The following ATXN2 variants were observed in gnomAD, a reference collection of about 807,000 sequenced individuals.
ATXN2 encodes the protein ataxin 2, also known as ataxin-2.
Under a neutral mutation model 138.6 loss-of-function variants are expected in ATXN2, and 37 were observed. The observed-to-expected ratio is 0.27, with a 90% confidence interval of 0.21 to 0.35. The LOEUF (loss-of-function observed/expected upper bound fraction) is 0.35. ATXN2 is among the 10% of genes least tolerant of loss of function. The probability of loss-of-function intolerance (pLI) is 1.00; values close to 1 mark genes in which losing one functional copy is unlikely to be tolerated. For synonymous variants in ATXN2, 549 were observed against 543.7 expected (o/e 1.01, Z -0.13); for missense variants, 1,216 against 1,480.3 (o/e 0.82, Z 2.93).
At chr12:111,542,180 A>G (rs751079107) in intron 5 of ATXN2, among the ~76,000 whole-genome samples, 2 of 142,202 alleles carry the variant, frequency 1.4e-5, no homozygotes, top group African/African-American at 2.5e-5. Flanking sequence ...ATCTACTTTT[A>G]TGTCTCCTTC....
intron 5 of ATXN2, among the ~76,000 whole-genome samples, chr12:111,538,154 T>C (rs1881297202): frequency 6.6e-6 from 1 of 152,028 alleles, no homozygotes; most frequent in African/African-American, 2.4e-5. Flanking sequence ...TGATTAAATT[T>C]TCTAGCACTA....
chr12:111,585,801 CAAAAAA>C (rs761433806), intron 1 of ATXN2, among the ~76,000 whole-genome samples: 1 of 24,772 alleles, frequency 4.0e-5, no homozygotes, highest in Non-Finnish European at 1.9e-4. Context: ...AACTCCATCT[CAAAAAA>C]AAAAAAAAAA....
chr12:111,455,890 C>T (rs1038494038), intron 23 of ATXN2, 139 bp downstream of exon 23: 44 of 828,446 alleles, frequency 5.3e-5, no homozygotes, highest in Middle Eastern at 2.2e-4. Flanking sequence ...GGCCAGATCA[C>T]GTGTATTTGA....
intron 18 of ATXN2, among the ~76,000 whole-genome samples, chr12:111,473,886 C>T (rs1231023279): frequency 6.6e-6 from 1 of 151,804 alleles, no homozygotes; most frequent in Non-Finnish European, 1.5e-5. Flanking sequence ...AAATTCAGAT[C>T]GTGGGAAAAA....
Position 111,485,248 on chromosome 12 carries a change from G to C in ATXN2, c.2524+17C>G, listed in dbSNP as rs1877558615. On this transcript the variant is annotated intron_variant, in intron 18 of 24. Transcript: ENST00000673436. ...AGCATGCAAACTACAAGCAAACACA[G>C]GCAGGATTATTCTCACCTTTACCTG... The C allele has an allele frequency of 6.3e-7, 1 of 1,599,664 alleles. No homozygotes were observed. Among genetic ancestry groups the C allele is most frequent in the South Asian group, 1.1e-5 (1 of 89,250 alleles).
intron 18 of ATXN2, among the ~76,000 whole-genome samples, chr12:111,483,859 T>C (rs1286011471): frequency 6.6e-6 from 1 of 152,186 alleles, no homozygotes; most frequent in Non-Finnish European, 1.5e-5. Flanking sequence ...CACAGTTCCC[T>C]GCAGCCTGGA....
intron 5 of ATXN2, among the ~76,000 whole-genome samples, chr12:111,544,574 G>C (rs972912249): frequency 3.3e-5 from 5 of 152,156 alleles, no homozygotes; most frequent in African/African-American, 1.2e-4. Context: ...TGATAGGAGG[G>C]AACTTGTGTG....
chr12:111,499,034 T>C (rs55851737), intron 14 of ATXN2, among the ~76,000 whole-genome samples: 31,187 of 151,962 alleles, frequency 0.21, 3,312 homozygotes, highest in East Asian at 0.33. Context: ...TCCCACCATA[T>C]TAAAAAAAAA....
chr12:111,535,362 C>G (rs1041330002), intron 5 of ATXN2, among the ~76,000 whole-genome samples: 1 of 152,182 alleles, frequency 6.6e-6, no homozygotes, highest in African/African-American at 2.4e-5. Context: ...CGGTGGCTCA[C>G]GCCTGTAATC....
intron 5 of ATXN2, among the ~76,000 whole-genome samples, chr12:111,525,826 A>G (rs1880461477): frequency 6.6e-6 from 1 of 151,774 alleles, no homozygotes. Flanking sequence ...CTGGGACTAC[A>G]GGTGTGTACC....
intron 5 of ATXN2, among the ~76,000 whole-genome samples, chr12:111,536,424 G>A (rs1881180166): frequency 6.6e-6 from 1 of 152,100 alleles, no homozygotes; most frequent in African/African-American, 2.4e-5. Flanking sequence ...ACTAGGATGG[G>A]TATAATCAAA....
intron 1 of ATXN2, among the ~76,000 whole-genome samples, chr12:111,573,125 T>C (rs1214196843): frequency 6.6e-6 from 1 of 152,164 alleles, no homozygotes; most frequent in Non-Finnish European, 1.5e-5. Flanking sequence ...CATGGTTGAT[T>C]GAAGAAATTT....
intron 5 of ATXN2, among the ~76,000 whole-genome samples, chr12:111,550,574 A>G (rs745478656): frequency 1.3e-5 from 2 of 152,214 alleles, no homozygotes; most frequent in Admixed American, 6.5e-5. Context: ...TTTCAATAGT[A>G]TAAGTATAAA....
At chr12:111,485,625 C>A in intron 17 of ATXN2, 88 bp downstream of exon 17, 3 of 1,496,618 alleles carry the variant, frequency 2.0e-6, no homozygotes, top group South Asian at 1.2e-5. Flanking sequence ...AACCATCACA[C>A]CCTCAAGTCA....
Position 111,529,228 on chromosome 12 carries a change from A to G in ATXN2, c.572-3912T>C, listed in dbSNP as rs868047465. ...AACAACTGGCTCTAATCTACAGGCA[A>G]CTGTGGGAATTTGCATGCAGATTTT... On this transcript the variant is annotated intron_variant, in intron 5 of 24. Transcript: ENST00000673436. 5.9e-5 allele frequency among the ~76,000 whole-genome samples: 9 copies of G among 152,236 alleles called. No homozygotes were observed. In the South Asian group the frequency reaches 6.2e-4, roughly 11 times the overall value.
At chr12:111,486,509 C>T (rs1877652976) in intron 16 of ATXN2, among the ~76,000 whole-genome samples, 1 of 152,156 alleles carries the variant, frequency 6.6e-6, no homozygotes. Context: ...GACAGCCTAG[C>T]TAGCCAACCA....
chr12:111,561,534 A>G (rs974541975), intron 1 of ATXN2, among the ~76,000 whole-genome samples: 1 of 151,864 alleles, frequency 6.6e-6, no homozygotes, highest in Non-Finnish European at 1.5e-5. Context: ...AAAATACTAC[A>G]TAAGCAAATA....
Position 111,456,092 on chromosome 12 carries a change from C to T in ATXN2, c.3207G>A (p.Thr1069=), listed in dbSNP as rs1400976968. 5 of 1,614,022 alleles carry T rather than the reference C, an allele frequency of 3.1e-6. No homozygotes were observed. The highest frequency in any genetic ancestry group is 2.2e-5 in the South Asian group (2 of 91,082). The change falls in exon 23 of 25, where the codon ACG becomes ACA. Residue 1069 remains threonine, a synonymous_variant. Coordinates refer to ENST00000673436, the MANE Select transcript of ATXN2 (RefSeq NM_001372574.1). ...CCGGCTGAACGTGAGAAGGATGGAT[C>T]GTAAAGACAGTCTGTTGTGCTGCTG... ...SFPAAQQTVF[T]IHPSHVQPAY... is the part of the protein sequence containing the mutation.
upstream of ATXN2, chr12:111,599,396 C>G: frequency 1.7e-6 from 2 of 1,165,732 alleles, no homozygotes; most frequent in Non-Finnish European, 2.1e-6. Context: ...ACCGCCGCCC[C>G]GCCCGCTCCG....
Sources: gnomAD v4.1 joint callset for allele counts (sites outside exome capture counted in the v4.1 genomes callset) on GRCh38, gnomAD v4.1.1 for gene constraint, MANE v1.5 for transcripts, NCBI Gene and HGNC (gene_info 2026-07-23, HGNC 2026-07-21) for gene names.